The following SREBF1 variants were observed in gnomAD, a reference collection of about 807,000 sequenced individuals.
SREBF1 encodes sterol regulatory element-binding protein 1.
SREBF1 carries 45 observed loss-of-function variants against 100.1 expected under a neutral mutation model. That is an observed-to-expected ratio of 0.45 (90% confidence interval 0.35 to 0.58). The LOEUF is 0.58. SREBF1 is among the 20% of genes least tolerant of loss of function. SREBF1 has a pLI of 0.00. For synonymous variants in SREBF1, 657 were observed against 681.8 expected (o/e 0.96, Z 0.57); for missense variants, 1,324 against 1,539.4 (o/e 0.86, Z 2.34).
At chr17:17,822,698 C>T (rs1422266442) in intron 1 of SREBF1, among the ~76,000 whole-genome samples, 1 of 152,242 alleles carries the variant, frequency 6.6e-6, no homozygotes, top group Non-Finnish European at 1.5e-5. Flanking sequence ...GAAGTGGAGC[C>T]TGGACCAACA....
chr17:17,815,485 C>T (rs2033460668), intron 12 of SREBF1, 156 bp from the exon 13 acceptor site: 7 of 636,362 alleles, frequency 1.1e-5, no homozygotes, highest in Admixed American at 5.5e-5. Flanking sequence ...CAGGGGAAAG[C>T]GGGTGGACAT....
rs1485637787 is a variant in SREBF1, at chr17:17,829,204, AAATATATATAT to A, written c.91+7512_91+7522del. On this transcript the variant is annotated intron_variant, in intron 1 of 18. Transcript: ENST00000261646. ...GAGACTCCATCTTAAAAAAAAAAAA[AAATATATATAT>A]ATATATATATATATATATATGTATA... Among the ~76,000 whole-genome samples, 108 of 39,822 alleles carry A rather than the reference AAATATATATAT, an allele frequency of 2.7e-3. 9 individuals are homozygous for A. The highest frequency in any genetic ancestry group is 8.9e-3 in the African/African-American group (98 of 11,060). The allele number at this position is 39,822 out of a possible 152,430, so 26.1% of individuals were successfully genotyped here. A position where few individuals can be genotyped will look rare whatever the true frequency, so the allele number is the denominator to read the frequency against.
intron 9 of SREBF1, 105 bp from the exon 10 acceptor site, chr17:17,816,823 C>T (rs1275075896): frequency 1.2e-5 from 19 of 1,578,088 alleles, no homozygotes; most frequent in Middle Eastern, 4.2e-4. Flanking sequence ...TGGGGGTCTG[C>T]GGATGCGTGG....
In SREBF1 at chr17:17,824,225, C is replaced by T. The variant is rs982511999; in HGVS notation, c.92-3704G>A. Among the ~76,000 whole-genome samples the T allele has an allele frequency of 1.5e-4, 23 of 152,188 alleles. No individual in the cohort carries two copies. The highest frequency in any genetic ancestry group is 2.0e-4 in the Admixed American group (3 of 15,286). On this transcript the variant is annotated intron_variant, in intron 1 of 18. Transcript: ENST00000261646. The surrounding 1 kb of genome is among the most constrained non-coding windows in gnomAD (Gnocchi z 4.2). ...CAGCTGCGGTGGGTGCAGGGACCTC[C>T]CCCTTCTAGGGCAGCCCCAGGAAGG...
chr17:17,833,219 C>G (rs1019925542), intron 1 of SREBF1, among the ~76,000 whole-genome samples: 1 of 150,690 alleles, frequency 6.6e-6, no homozygotes, highest in Non-Finnish European at 1.5e-5. Context: ...GTCAGGAGAT[C>G]GAGACCATCC....
intron 1 of SREBF1, among the ~76,000 whole-genome samples, chr17:17,831,549 T>C (rs1213479191): frequency 6.6e-6 from 1 of 152,150 alleles, no homozygotes; most frequent in Non-Finnish European, 1.5e-5. Flanking sequence ...CGAGGCCCTG[T>C]TCCAGGCTCT....
chr17:17,811,536 T>TG lies in SREBF1; in HGVS notation c.*1085dup, dbSNP rs11304210. 8.8e-3 allele frequency: 1,891 copies of TG among 214,942 alleles called. 2 individuals carry two copies. Among genetic ancestry groups the TG allele is most frequent in the Non-Finnish European group, 0.011 (1,194 of 112,910 alleles). The allele number at this position is 214,942 out of a possible 1,614,324, so 13.3% of individuals were successfully genotyped here. Reference sequence around the variant, plus strand: ...GGGGAATGGGAATGAAGGGAGGGGCTGGGGGGGGGGGCATGAATGGAGTCA... The same window carrying TG: ...GGGGAATGGGAATGAAGGGAGGGGCTGGGGGGGGGGGGCATGAATGGAGTCA... On this transcript the variant is annotated 3_prime_UTR_variant, in exon 19 of 19. Transcript: ENST00000261646.
At chr17:17,835,800 C>T (rs2035185809) in intron 1 of SREBF1, among the ~76,000 whole-genome samples, 1 of 152,256 alleles carries the variant, frequency 6.6e-6, no homozygotes, top group South Asian at 2.1e-4. Context: ...AAGATGGAAG[C>T]CGGTGCCACT....
intron 1 of SREBF1, among the ~76,000 whole-genome samples, chr17:17,831,518 C>T (rs1320402198): frequency 6.6e-6 from 1 of 152,136 alleles, no homozygotes; most frequent in Non-Finnish European, 1.5e-5. Context: ...ATGACGGGGT[C>T]CAGGCATAGG....
chr17:17,813,892 C>T, intron 16 of SREBF1, 123 bp from the exon 17 acceptor site: 1 of 1,039,012 alleles, frequency 9.6e-7, no homozygotes, highest in South Asian at 1.4e-5. Flanking sequence ...CCGCCTCACA[C>T]ACGTGCAATG....
intron 2 of SREBF1, 182 bp downstream of exon 2, chr17:17,819,908 G>T: frequency 8.6e-7 from 1 of 1,163,080 alleles, no homozygotes; most frequent in Non-Finnish European, 1.2e-6. Context: ...CCAGTGCGAG[G>T]TTGCGCCTAC....
At chr17:17,818,139 G>T in intron 6 of SREBF1, 121 bp downstream of exon 6, 1 of 871,398 alleles carries the variant, frequency 1.1e-6, no homozygotes, top group Non-Finnish European at 1.9e-6. Flanking sequence ...AGGGTGAGGT[G>T]GGCAGGGCAG....
intron 1 of SREBF1, among the ~76,000 whole-genome samples, chr17:17,834,875 G>T (rs796985487): frequency 2.0e-5 from 3 of 152,196 alleles, no homozygotes; most frequent in Non-Finnish European, 4.4e-5. Context: ...TTAGCCAGGC[G>T]TGGTGGCTGG....
intron 5 of SREBF1, 188 bp from the exon 6 acceptor site, chr17:17,818,562 G>A: frequency 1.6e-6 from 1 of 627,578 alleles, no homozygotes; most frequent in South Asian, 1.8e-5. Flanking sequence ...CCGGGCATAG[G>A]GTTAGAATGT....
chr17:17,812,897 G>GC, intron 18 of SREBF1, 46 bp from the exon 19 acceptor site: 2 of 1,430,790 alleles, frequency 1.4e-6, no homozygotes, highest in Middle Eastern at 2.5e-4. Context: ...AGCTGGCCAC[G>GC]CCCCCGCGGG....
At position 17,813,486 on chromosome 17, in the gene SREBF1, G is replaced by T. The variant is rs755468102; in HGVS notation, c.3103-7C>A. ...TGGCCTCATGTAGGAACACCTGGGG[G>T]CCAGGAGAGTGGAGGCTCAGGGCTC... On this transcript the variant is annotated splice_region_variant and splice_polypyrimidine_tract_variant and intron_variant, in intron 17 of 18. Transcript: ENST00000261646. 1.9e-6 allele frequency: 3 copies of T among 1,594,932 alleles called. No homozygotes were observed. Among genetic ancestry groups the T allele is most frequent in the Admixed American group, 3.4e-5 (2 of 58,034 alleles).
intron 1 of SREBF1, among the ~76,000 whole-genome samples, chr17:17,823,909 C>A (rs1321826409): frequency 1.3e-5 from 2 of 152,072 alleles, no homozygotes; most frequent in Non-Finnish European, 2.9e-5. Flanking sequence ...TTAACCCGCT[C>A]GGTGCCAGCG....
intron 1 of SREBF1, among the ~76,000 whole-genome samples, chr17:17,823,334 A>G (rs12953299): frequency 0.46 from 69,685 of 151,956 alleles, 16,943 homozygotes; most frequent in Non-Finnish European, 0.56. Flanking sequence ...GTTGCAGGGG[A>G]CACTAATTTG....
chr17:17,813,037 A>T (rs2033096677), intron 18 of SREBF1, 186 bp from the exon 19 acceptor site: 2 of 612,102 alleles, frequency 3.3e-6, no homozygotes, highest in Non-Finnish European at 5.7e-6. Flanking sequence ...AGACTGAGTC[A>T]CGCACGTGCA....
Sources: gnomAD v4.1 joint callset for allele counts (sites outside exome capture counted in the v4.1 genomes callset) on GRCh38, gnomAD v4.1.1 for gene constraint, Gnocchi (gnomAD v3.1) non-coding constraint, MANE v1.5 for transcripts, NCBI Gene and HGNC (gene_info 2026-07-23, HGNC 2026-07-21) for gene names.